The following ARHGAP44 variants were observed in gnomAD, a reference collection of about 807,000 sequenced individuals.
ARHGAP44 encodes rho GTPase-activating protein 44.
ARHGAP44 carries 43 observed loss-of-function variants against 106.8 expected under a neutral mutation model. The observed-to-expected ratio is 0.40, with a 90% CI of 0.32 to 0.52. The LOEUF (loss-of-function observed/expected upper bound fraction) is 0.52, where lower values mean the gene tolerates loss of function less well. ARHGAP44 is among the 20% of genes least tolerant of loss of function. ARHGAP44 has a pLI of 0.48. For synonymous variants in ARHGAP44, 439 were observed against 410.3 expected (o/e 1.07, Z -0.85); for missense variants, 866 against 1,050.5 (o/e 0.82, Z 2.43).
At chr17:12,914,814 A>C (rs1437018875) in intron 4 of ARHGAP44, among the ~76,000 whole-genome samples, 1 of 149,390 alleles carries the variant, frequency 6.7e-6, no homozygotes, top group Non-Finnish European at 1.5e-5. Flanking sequence ...AAAAAAAAAA[A>C]CCTCAAAAAA....
intron 1 of ARHGAP44, among the ~76,000 whole-genome samples, chr17:12,867,817 T>C (rs543870260): frequency 1.3e-5 from 2 of 152,322 alleles, no homozygotes; most frequent in Admixed American, 1.3e-4. Flanking sequence ...GTTTATGCCA[T>C]GGTCTCTGAC....
chr17:12,802,969 A>ATTT (rs1162376884), intron 1 of ARHGAP44, among the ~76,000 whole-genome samples: 7 of 40,844 alleles, frequency 1.7e-4, no homozygotes, highest in Non-Finnish European at 2.7e-4. Flanking sequence ...ATATATATAT[A>ATTT]TTTTTTTTTT....
At chr17:12,833,027 C>G (rs1032389935) in intron 1 of ARHGAP44, among the ~76,000 whole-genome samples, 2 of 152,208 alleles carry the variant, frequency 1.3e-5, no homozygotes, top group Admixed American at 1.3e-4. Context: ...TGCCTGGGCA[C>G]AGTACTATTT....
intron 1 of ARHGAP44, among the ~76,000 whole-genome samples, chr17:12,796,226 C>G (rs1438027753): frequency 6.6e-6 from 1 of 150,772 alleles, no homozygotes; most frequent in African/African-American, 2.4e-5. Context: ...TTTTTTTTTC[C>G]TTTATATTAC....
chr17:12,801,750 T>C (rs1193295760), intron 1 of ARHGAP44, among the ~76,000 whole-genome samples: 2 of 152,200 alleles, frequency 1.3e-5, no homozygotes, highest in East Asian at 1.9e-4. Flanking sequence ...TAGAAAAGTC[T>C]GGAAGGAAAT....
At chr17:12,861,401 A>G (rs2036068904) in intron 1 of ARHGAP44, among the ~76,000 whole-genome samples, 1 of 152,138 alleles carries the variant, frequency 6.6e-6, no homozygotes, top group Admixed American at 6.6e-5. Flanking sequence ...AGTCTGGCAC[A>G]GGTCTTAACT....
chr17:12,919,925 C>A, intron 6 of ARHGAP44, 94 bp downstream of exon 6: 1 of 1,070,964 alleles, frequency 9.3e-7, no homozygotes, highest in Non-Finnish European at 1.4e-6. Context: ...TGTTTTCATT[C>A]ACCAAGTTTT....
At chr17:12,863,702 G>A (rs2036156948) in intron 1 of ARHGAP44, among the ~76,000 whole-genome samples, 1 of 152,268 alleles carries the variant, frequency 6.6e-6, no homozygotes, top group Admixed American at 6.5e-5. Context: ...GATTTCTTCT[G>A]GGGAATAGCA....
rs2034842306 is a variant in ARHGAP44 at position 12,823,814 on chromosome 17, T to G, written c.53+33923T>G. ...TGTCTGTATTCACTGTCTCCATTTC[T>G]TTGTCTCACATTCATGGTATATATT... is the stretch of plus-strand genomic sequence containing the variant. On this transcript the variant is annotated intron_variant, in intron 1 of 20. Coordinates refer to ENST00000379672, the MANE Select transcript of ARHGAP44 (RefSeq NM_014859.6). Among the ~76,000 whole-genome samples, 6 of 152,194 alleles carry G rather than the reference T, an allele frequency of 3.9e-5. No individual in the cohort carries two copies. The South Asian group carries it at 1.2e-3, about 31-fold the overall frequency.
At chr17:12,819,245 G>T (rs1434913032) in intron 1 of ARHGAP44, among the ~76,000 whole-genome samples, 2 of 151,990 alleles carry the variant, frequency 1.3e-5, no homozygotes, top group Non-Finnish European at 2.9e-5. Context: ...TTATTTTTGA[G>T]ATTCATACGT....
At chr17:12,852,784 G>A (rs758437014) in intron 1 of ARHGAP44, among the ~76,000 whole-genome samples, 1 of 151,872 alleles carries the variant, frequency 6.6e-6, no homozygotes, top group Non-Finnish European at 1.5e-5. Flanking sequence ...CTTGTGATCC[G>A]CCCACCTCGG....
chr17:12,803,641 A>G (rs550285525), intron 1 of ARHGAP44, among the ~76,000 whole-genome samples: 1 of 152,014 alleles, frequency 6.6e-6, no homozygotes, highest in Non-Finnish European at 1.5e-5. Flanking sequence ...AAATTTCTGT[A>G]TCTTAATTAT....
intron 7 of ARHGAP44, among the ~76,000 whole-genome samples, chr17:12,932,252 T>C (rs1268138457): frequency 6.6e-6 from 1 of 152,248 alleles, no homozygotes; most frequent in African/African-American, 2.4e-5. Flanking sequence ...TATTGTGTTC[T>C]TAATTTCCCT....
chr17:12,989,395 C>G (rs1383234556), intron 20 of ARHGAP44, among the ~76,000 whole-genome samples: 1 of 152,134 alleles, frequency 6.6e-6, no homozygotes, highest in African/African-American at 2.4e-5. Flanking sequence ...ATTTCAAGTA[C>G]ATTTCTCCTG....
Position 12,806,684 on chromosome 17 carries a change from A to T in ARHGAP44, c.53+16793A>T, listed in dbSNP as rs567540841. ...GCATATTTTGGCTCTATCACTTGCT[A>T]GTTGTAAAACCATGGACAAGCCCAT... On this transcript the variant is annotated intron_variant, in intron 1 of 20. Transcript: ENST00000379672. Among the ~76,000 whole-genome samples the T allele has an allele frequency of 9.2e-5, 14 of 152,354 alleles. No homozygotes were observed. In the East Asian group the frequency reaches 2.5e-3, roughly 27 times the overall value.
chr17:12,983,442 A>G (rs1358165750), intron 19 of ARHGAP44, among the ~76,000 whole-genome samples: 1 of 152,114 alleles, frequency 6.6e-6, no homozygotes, highest in African/African-American at 2.4e-5. Context: ...TTGTCATCCT[A>G]TAGGGAGATT....
intron 3 of ARHGAP44, 124 bp from the exon 4 acceptor site, chr17:12,908,773 T>C: frequency 1.3e-6 from 1 of 746,740 alleles, no homozygotes; most frequent in South Asian, 1.7e-5. Context: ...TTTAAACCTA[T>C]TTTAAAGTTA....
At chr17:12,883,375 G>A (rs2036793303) in intron 1 of ARHGAP44, among the ~76,000 whole-genome samples, 2 of 150,036 alleles carry the variant, frequency 1.3e-5, no homozygotes, top group African/African-American at 2.4e-5. Flanking sequence ...TATATTATTA[G>A]TTTCTTTTTT....
intron 16 of ARHGAP44, among the ~76,000 whole-genome samples, chr17:12,962,904 G>A (rs560993088): frequency 6.6e-6 from 1 of 152,172 alleles, no homozygotes; most frequent in East Asian, 1.9e-4. Flanking sequence ...AATTGGCCAG[G>A]CATCGTGGCG....
Sources: allele counts gnomAD v4.1 joint callset (sites outside exome capture counted in the v4.1 genomes callset), GRCh38; gene constraint gnomAD v4.1.1; transcripts MANE v1.5; gene names NCBI Gene and HGNC (gene_info 2026-07-23, HGNC 2026-07-21).